The following MYT1L variants were observed in gnomAD, a reference collection of about 807,000 sequenced individuals.
MYT1L encodes myelin transcription factor 1 like.
A neutral mutation model predicts 126.7 loss-of-function variants in MYT1L; 12 were observed. The ratio of observed to expected loss-of-function variants is 0.09; its 90% CI spans 0.06 to 0.15. MYT1L has a LOEUF of 0.15. Ranked by LOEUF, MYT1L falls within the 10% of genes least tolerant of loss-of-function variation. The probability of loss-of-function intolerance (pLI) is 1.00; values close to 1 mark genes in which losing one functional copy is unlikely to be tolerated. For synonymous variants in MYT1L, 541 were observed against 604.2 expected (o/e 0.90, Z 1.53); for missense variants, 979 against 1,585.2 (o/e 0.62, Z 6.49).
At chr2:2,115,620 C>T (rs1023502878) in intron 3 of MYT1L, among the ~76,000 whole-genome samples, 3 of 152,240 alleles carry the variant, frequency 2.0e-5, no homozygotes, top group South Asian at 4.1e-4. Context: ...GTGTCTAGCA[C>T]GTGCCAGGGC....
intron 18 of MYT1L, among the ~76,000 whole-genome samples, chr2:1,866,973 G>GGAGAGA (rs556864582): frequency 1.0e-5 from 1 of 95,588 alleles, no homozygotes; most frequent in African/African-American, 5.0e-5. Context: ...GAGAGAGGGA[G>GGAGAGA]GAGAGAGAGA....
rs1191615012 is a variant in MYT1L at position 2,228,187 on chromosome 2, AG to A, written c.-420-55200del. Reference sequence around the variant, plus strand: ...CATTACCTACATAAAAGACAGGGCAAGGGGGTGATTCTGTAATATACATTTT... The same window carrying A: ...CATTACCTACATAAAAGACAGGGCAAGGGGTGATTCTGTAATATACATTTT... On this transcript the variant is annotated intron_variant, in intron 2 of 24. Coordinates refer to ENST00000647738, the MANE Select transcript of MYT1L (RefSeq NM_001303052.2). This position sits in a 1 kb window ranked among gnomAD's most constrained non-coding sequence, Gnocchi z 5.9. Among the ~76,000 whole-genome samples, 11 of 152,226 alleles carry A rather than the reference AG, an allele frequency of 7.2e-5. No individual in the cohort carries two copies. Among genetic ancestry groups the A allele is most frequent in the Admixed American group, 2.6e-4 (4 of 15,280 alleles).
intron 1 of MYT1L, among the ~76,000 whole-genome samples, chr2:2,295,619 G>T (rs191440354): frequency 0.014 from 892 of 63,472 alleles, 16 homozygotes; most frequent in Non-Finnish European, 0.025. Context: ...CAGAGAGAGA[G>T]AGAGAGACAG....
At position 1,791,341 on chromosome 2, in the gene MYT1L, G is replaced by C. The variant is rs1178820267; in HGVS notation, c.*526C>G. On this transcript the variant is annotated 3_prime_UTR_variant, in exon 25 of 25. Transcript: ENST00000647738. This position sits in a 1 kb window ranked among gnomAD's most constrained non-coding sequence, Gnocchi z 6.0. ...TAAAGCATTTTTGCAACGAATTCTT[G>C]CTATGAAACAATATGCACACAAAAT... 3 of 447,096 alleles carry C rather than the reference G, an allele frequency of 6.7e-6. No homozygotes were observed. Among genetic ancestry groups the C allele is most frequent in the African/African-American group, 6.2e-5 (3 of 48,722 alleles). The allele number at this position is 447,096 out of a possible 1,614,324, so 27.7% of individuals were successfully genotyped here. A position where few individuals can be genotyped will look rare whatever the true frequency, so the allele number is the denominator to read the frequency against.
intron 8 of MYT1L, among the ~76,000 whole-genome samples, chr2:1,962,745 G>A (rs2059057131): frequency 6.6e-6 from 1 of 152,186 alleles, no homozygotes. Context: ...ATCTTCACCA[G>A]GAGTTGATTT....
chr2:2,323,036 T>C (rs2096197290), intron 1 of MYT1L, among the ~76,000 whole-genome samples: 1 of 152,148 alleles, frequency 6.6e-6, no homozygotes, highest in Non-Finnish European at 1.5e-5. Flanking sequence ...AAACAATAGA[T>C]AATTTACCTA....
At chr2:2,214,030 C>T (rs898672838) in intron 2 of MYT1L, among the ~76,000 whole-genome samples, 18 of 151,972 alleles carry the variant, frequency 1.2e-4, no homozygotes, top group Admixed American at 1.1e-3. Context: ...AATGAAAGCT[C>T]TAATATCTGA....
intron 1 of MYT1L, among the ~76,000 whole-genome samples, chr2:2,311,111 C>T (rs1482004944): frequency 6.6e-6 from 1 of 152,146 alleles, no homozygotes; most frequent in Non-Finnish European, 1.5e-5. Flanking sequence ...CCTCCAGACC[C>T]CGGATCTGAA....
chr2:1,890,891 C>T (rs1451941043), intron 15 of MYT1L, among the ~76,000 whole-genome samples: 1 of 152,176 alleles, frequency 6.6e-6, no homozygotes, highest in Non-Finnish European at 1.5e-5. Context: ...TCAAAGTGTA[C>T]TCTGATTTGA....
At position 1,979,030 on chromosome 2, in the gene MYT1L, AGT is replaced by A. The variant is rs2060393961; in HGVS notation, c.152+133_152+134del. 1 of 694,238 alleles carries A rather than the reference AGT, an allele frequency of 1.4e-6. No individual in the cohort carries two copies. The highest frequency in any genetic ancestry group is 1.8e-5 in the African/African-American group (1 of 55,702). The allele number at this position is 694,238 out of a possible 1,614,324, so 43.0% of individuals were successfully genotyped here. A position where few individuals can be genotyped will look rare whatever the true frequency, so the allele number is the denominator to read the frequency against. ...TTTCAAGAGACAAAGACTGAGTTCC[AGT>A]GTGAGAAGAAAAAGAAGGCATAATG... On this transcript the variant is annotated intron_variant, in intron 8 of 24. Transcript: ENST00000647738. This position sits in a 1 kb window ranked among gnomAD's most constrained non-coding sequence, Gnocchi z 4.0.
chr2:2,137,437 C>CTA (rs2083228376), intron 3 of MYT1L, among the ~76,000 whole-genome samples: 1 of 152,212 alleles, frequency 6.6e-6, no homozygotes, highest in Admixed American at 6.5e-5. Flanking sequence ...TGACTTCAAA[C>CTA]TATACTACAA....
chr2:1,826,947 C>G (rs1293105146), intron 21 of MYT1L: 1 of 152,128 alleles, frequency 6.6e-6, no homozygotes, highest in Non-Finnish European at 1.5e-5. Flanking sequence ...CCTGCTTTCT[C>G]CAGAGCAGAT....
intron 2 of MYT1L, among the ~76,000 whole-genome samples, chr2:2,259,377 T>C (rs1290809704): frequency 7.5e-6 from 1 of 134,036 alleles, no homozygotes; most frequent in Non-Finnish European, 1.6e-5. Flanking sequence ...ACATGTACCC[T>C]AAAACTTAGA....
chr2:1,956,541 C>A (rs1048117562), intron 8 of MYT1L, among the ~76,000 whole-genome samples: 1 of 147,060 alleles, frequency 6.8e-6, no homozygotes, highest in Non-Finnish European at 1.5e-5. Context: ...ATCTATCTAT[C>A]TATCTATCAT....
chr2:2,077,183 A>AGAT (rs1358747004), intron 3 of MYT1L, among the ~76,000 whole-genome samples: 1 of 152,164 alleles, frequency 6.6e-6, no homozygotes, highest in Admixed American at 6.5e-5. Flanking sequence ...ACAGAAATGA[A>AGAT]GATAGCCTTA....
intron 21 of MYT1L, among the ~76,000 whole-genome samples, chr2:1,819,451 C>T (rs1330493236): frequency 6.6e-6 from 1 of 152,156 alleles, no homozygotes; most frequent in African/African-American, 2.4e-5. Flanking sequence ...AGGAGAGAAT[C>T]GAGACGCAGA....
chr2:2,017,179 T>C (rs1172247357), intron 4 of MYT1L, among the ~76,000 whole-genome samples: 1 of 152,164 alleles, frequency 6.6e-6, no homozygotes, highest in African/African-American at 2.4e-5. Flanking sequence ...CCCTAGAGAC[T>C]CAACGCTCCC....
intron 9 of MYT1L, among the ~76,000 whole-genome samples, chr2:1,935,263 A>G (rs1458732106): frequency 6.6e-6 from 1 of 152,204 alleles, no homozygotes; most frequent in Non-Finnish European, 1.5e-5. Context: ...TCTTCCAGAA[A>G]ATGGTGACTC....
chr2:1,859,779 C>G (rs1302425912), intron 18 of MYT1L, among the ~76,000 whole-genome samples: 2 of 152,246 alleles, frequency 1.3e-5, no homozygotes, highest in African/African-American at 4.8e-5. Context: ...CGCCCTGCCC[C>G]CTGGCCCTGG....
Sources: gnomAD v4.1 joint callset for allele counts (sites outside exome capture counted in the v4.1 genomes callset) on GRCh38, gnomAD v4.1.1 for gene constraint, Gnocchi (gnomAD v3.1) non-coding constraint, MANE v1.5 for transcripts, NCBI Gene and HGNC (gene_info 2026-07-23, HGNC 2026-07-21) for gene names.